The following CACNA2D1 variants were observed in gnomAD, a reference collection of about 807,000 sequenced individuals.
CACNA2D1 encodes the protein calcium voltage-gated channel auxiliary subunit alpha2delta 1, also known as voltage-dependent calcium channel subunit alpha-2/delta-1.
Under a neutral mutation model 171.5 loss-of-function variants are expected in CACNA2D1, and 53 were observed. The ratio of observed to expected loss-of-function variants is 0.31; its 90% CI spans 0.25 to 0.39. The LOEUF (loss-of-function observed/expected upper bound fraction) is 0.39. Ranked by LOEUF, CACNA2D1 falls within the 10% of genes least tolerant of loss-of-function variation. The pLI, the probability that CACNA2D1 is intolerant of heterozygous loss-of-function variation, is 1.00. For missense variants in CACNA2D1, 903 were observed against 1,299.8 expected (o/e 0.69, Z 4.69); for synonymous variants, 442 against 443.1 (o/e 1.00, Z 0.03).
At chr7:82,241,449 A>G (rs1478789869) in intron 3 of CACNA2D1, among the ~76,000 whole-genome samples, 1 of 152,174 alleles carries the variant, frequency 6.6e-6, no homozygotes, top group Non-Finnish European at 1.5e-5. Flanking sequence ...AGACCTGCTT[A>G]AGGTCAGACA....
At chr7:82,341,068 T>C in intron 2 of CACNA2D1, among the ~76,000 whole-genome samples, 1 of 152,194 alleles carries the variant, frequency 6.6e-6, no homozygotes, top group Non-Finnish European at 1.5e-5. Flanking sequence ...GTCTGTGGGT[T>C]ATACATTTTT....
At chr7:82,257,269 C>T (rs529244999) in intron 3 of CACNA2D1, among the ~76,000 whole-genome samples, 1 of 152,284 alleles carries the variant, frequency 6.6e-6, no homozygotes, top group African/African-American at 2.4e-5. Context: ...CTCTTCTCCT[C>T]AAAGGGACTG....
chr7:82,236,764 A>C (rs1803635963), intron 3 of CACNA2D1, among the ~76,000 whole-genome samples: 1 of 152,044 alleles, frequency 6.6e-6, no homozygotes, highest in Non-Finnish European at 1.5e-5. Flanking sequence ...AAGAAAAAAC[A>C]GTATTTTTAA....
intron 3 of CACNA2D1, among the ~76,000 whole-genome samples, chr7:82,196,417 G>A (rs1162877549): frequency 2.6e-5 from 4 of 152,038 alleles, no homozygotes; most frequent in Non-Finnish European, 4.4e-5. Context: ...ACCTGAGGTG[G>A]GGATTCCTGT....
intron 7 of CACNA2D1, among the ~76,000 whole-genome samples, chr7:82,077,828 G>T (rs1189888690): frequency 2.0e-5 from 3 of 150,588 alleles, no homozygotes; most frequent in African/African-American, 7.3e-5. Flanking sequence ...TACTATAAAT[G>T]TTGAGGCTCC....
intron 6 of CACNA2D1, among the ~76,000 whole-genome samples, chr7:82,110,447 G>A (rs1304326694): frequency 6.6e-6 from 1 of 152,092 alleles, no homozygotes; most frequent in Non-Finnish European, 1.5e-5. Context: ...CCTGCACCTC[G>A]ATCTTGGACT....
intron 1 of CACNA2D1, among the ~76,000 whole-genome samples, chr7:82,386,077 T>A (rs1022019747): frequency 3.9e-5 from 6 of 152,214 alleles, no homozygotes; most frequent in Non-Finnish European, 7.3e-5. Context: ...TCAAAATATT[T>A]TTGGTTCTTG....
chr7:82,107,406 G>A (rs1329514439), intron 6 of CACNA2D1, among the ~76,000 whole-genome samples: 4 of 151,982 alleles, frequency 2.6e-5, no homozygotes, highest in Admixed American at 2.0e-4. Context: ...GACAGGTAAC[G>A]ACTAACCATC....
chr7:82,171,398 T>C (rs1003940100), intron 3 of CACNA2D1, among the ~76,000 whole-genome samples: 1 of 152,056 alleles, frequency 6.6e-6, no homozygotes, highest in African/African-American at 2.4e-5. Flanking sequence ...TGTGATAGGC[T>C]TTCATAAGAC....
chr7:82,173,319 A>C (rs1796239494), intron 3 of CACNA2D1, among the ~76,000 whole-genome samples: 1 of 152,066 alleles, frequency 6.6e-6, no homozygotes, highest in Non-Finnish European at 1.5e-5. Context: ...CCTGTATTGC[A>C]AGACTCTGAA....
At chr7:82,061,670 T>C (rs1438469873) in intron 9 of CACNA2D1, among the ~76,000 whole-genome samples, 1 of 152,182 alleles carries the variant, frequency 6.6e-6, no homozygotes, top group Non-Finnish European at 1.5e-5. Context: ...GGGCCAGTCA[T>C]GCCAGACAGG....
At chr7:81,987,775 G>A (rs1797120910) in intron 21 of CACNA2D1, among the ~76,000 whole-genome samples, 1 of 152,164 alleles carries the variant, frequency 6.6e-6, no homozygotes, top group Non-Finnish European at 1.5e-5. Context: ...ACGCAAAGGT[G>A]GGAAAGTTGG....
In CACNA2D1 at chr7:81,990,445, T is replaced by G. The variant is rs139140348; in HGVS notation, c.1796+740A>C. ...GGAGAGAGTGACAATGAGCCAGGAG[T>G]TGAAATCTTTATAGGAATGAGAGGG... On this transcript the variant is annotated intron_variant, in intron 21 of 38. Coordinates refer to ENST00000356860, the MANE Select transcript of CACNA2D1 (RefSeq NM_000722.4). Among the ~76,000 whole-genome samples, 333 of 151,428 alleles carry G rather than the reference T, an allele frequency of 2.2e-3. 1 individual carries two copies. The highest frequency in any genetic ancestry group is 7.4e-3 in the African/African-American group (307 of 41,304).
At chr7:82,139,223 T>A (rs1792067100) in intron 4 of CACNA2D1, among the ~76,000 whole-genome samples, 2 of 152,170 alleles carry the variant, frequency 1.3e-5, no homozygotes, top group Admixed American at 1.3e-4. Flanking sequence ...CTAGAATTAA[T>A]GATTAGTCAA....
chr7:82,250,785 G>C (rs556219391), intron 3 of CACNA2D1, among the ~76,000 whole-genome samples: 1 of 152,118 alleles, frequency 6.6e-6, no homozygotes, highest in East Asian at 1.9e-4. Flanking sequence ...GATTTCACAA[G>C]AGTTCTGGTT....
At chr7:82,418,763 C>G (rs1040008417) in intron 1 of CACNA2D1, among the ~76,000 whole-genome samples, 1 of 152,090 alleles carries the variant, frequency 6.6e-6, no homozygotes, top group Non-Finnish European at 1.5e-5. Context: ...TCATACTCAC[C>G]AAGATGTTTT....
chr7:82,148,669 G>A (rs769340421), intron 4 of CACNA2D1, among the ~76,000 whole-genome samples: 10 of 152,118 alleles, frequency 6.6e-5, no homozygotes, highest in African/African-American at 9.7e-5. Flanking sequence ...ATGGAGTTTT[G>A]CTATTGTCGA....
chr7:82,152,478 A>G (rs892495864), intron 4 of CACNA2D1, among the ~76,000 whole-genome samples: 8 of 152,058 alleles, frequency 5.3e-5, no homozygotes, highest in African/African-American at 1.9e-4. Flanking sequence ...CCAAAGTTCT[A>G]CAAAAGGTAT....
At chr7:82,336,466 T>G (rs1352615422) in intron 2 of CACNA2D1, among the ~76,000 whole-genome samples, 1 of 152,222 alleles carries the variant, frequency 6.6e-6, no homozygotes, top group African/African-American at 2.4e-5. Flanking sequence ...CTCCTAAAAG[T>G]GACTTATTCA....
Sources: allele counts gnomAD v4.1 joint callset (sites outside exome capture counted in the v4.1 genomes callset), GRCh38; gene constraint gnomAD v4.1.1; transcripts MANE v1.5; gene names NCBI Gene and HGNC (gene_info 2026-07-23, HGNC 2026-07-21).